The following LEKR1 variants were observed in gnomAD, a reference collection of about 807,000 sequenced individuals.
LEKR1 encodes protein LEKR1.
Under a neutral mutation model 72.4 loss-of-function variants are expected in LEKR1, and 59 were observed. The observed-to-expected ratio is 0.82, with a 90% confidence interval of 0.66 to 1.01. The LOEUF is 1.01. Among genes scored for constraint, LEKR1 ranks in the 50% least tolerant of loss-of-function variants. The pLI is 0.00. For synonymous variants in LEKR1, 257 were observed against 263.2 expected (o/e 0.98, Z 0.23); for missense variants, 728 against 759.2 (o/e 0.96, Z 0.48).
At chr3:156,896,897 G>A (rs1055517590) in intron 3 of LEKR1, among the ~76,000 whole-genome samples, 1 of 152,174 alleles carries the variant, frequency 6.6e-6, no homozygotes, top group African/African-American at 2.4e-5. Flanking sequence ...GTCCTTTGCA[G>A]CAACATGGAT....
At chr3:156,854,942 TGAC>T (rs952583773) in intron 3 of LEKR1, among the ~76,000 whole-genome samples, 68 of 152,322 alleles carry the variant, frequency 4.5e-4, no homozygotes, top group African/African-American at 1.6e-3. Context: ...GTTGTGCTGC[TGAC>T]ATTTGCCACT....
chr3:156,923,101 T>C (rs1272406924), intron 4 of LEKR1, among the ~76,000 whole-genome samples: 2 of 152,272 alleles, frequency 1.3e-5, no homozygotes, highest in African/African-American at 4.8e-5. Flanking sequence ...CTTTGTTTTC[T>C]ATCCTTGATC....
At chr3:156,904,291 T>C (rs1722313451) in intron 3 of LEKR1, among the ~76,000 whole-genome samples, 1 of 152,158 alleles carries the variant, frequency 6.6e-6, no homozygotes, top group African/African-American at 2.4e-5. Flanking sequence ...AAGAACACTT[T>C]AATATAATGG....
chr3:156,899,525 TATATACAC>T (rs1297980318), intron 3 of LEKR1, among the ~76,000 whole-genome samples: 1 of 135,326 alleles, frequency 7.4e-6, no homozygotes, highest in East Asian at 2.1e-4. Flanking sequence ...CATACATACA[TATATACAC>T]ATATATACAT....
At chr3:156,986,165 G>T (rs957410626) in intron 7 of LEKR1, among the ~76,000 whole-genome samples, 10 of 152,180 alleles carry the variant, frequency 6.6e-5, no homozygotes, top group African/African-American at 2.4e-4. Flanking sequence ...TAATAAATTT[G>T]TATTGCTTTA....
intron 8 of LEKR1, among the ~76,000 whole-genome samples, 153 bp from the exon 9 acceptor site, chr3:156,992,921 A>G (rs1304163602): frequency 6.6e-6 from 1 of 152,162 alleles, no homozygotes; most frequent in Non-Finnish European, 1.5e-5. Flanking sequence ...GGAAAATATT[A>G]ACATTATAGA....
intron 2 of LEKR1, among the ~76,000 whole-genome samples, chr3:156,834,612 A>AT (rs1712868399): frequency 6.6e-6 from 1 of 152,208 alleles, no homozygotes; most frequent in Admixed American, 6.5e-5. Context: ...CATGTATCAG[A>AT]TTGCAGAGCC....
chr3:156,848,454 T>C (rs186294345), intron 2 of LEKR1, among the ~76,000 whole-genome samples: 1 of 152,310 alleles, frequency 6.6e-6, no homozygotes, highest in East Asian at 1.9e-4. Flanking sequence ...TTATGTTCAC[T>C]GAGAGCAAGC....
At chr3:156,829,413 G>T in intron 2 of LEKR1, 36 bp downstream of exon 2, 1 of 1,432,224 alleles carries the variant, frequency 7.0e-7, no homozygotes, top group South Asian at 1.3e-5. Context: ...CTAACAGTGG[G>T]AACATGTAGC....
At chr3:156,919,611 G>A (rs1724001185) in intron 3 of LEKR1, among the ~76,000 whole-genome samples, 1 of 152,172 alleles carries the variant, frequency 6.6e-6, no homozygotes, top group South Asian at 2.1e-4. Flanking sequence ...GATAAAAAAT[G>A]TGTTTTCTTG....
chr3:157,011,533 A>G, intron 10 of LEKR1, 27 bp downstream of exon 10: 1 of 1,473,576 alleles, frequency 6.8e-7, no homozygotes, highest in South Asian at 1.1e-5. Flanking sequence ...TTTCATCAGC[A>G]TGCAACCTAT....
In LEKR1 at chr3:157,035,563, A is replaced by T. The variant is rs547206870; in HGVS notation, c.1668+7161A>T. Among the ~76,000 whole-genome samples, 196 of 152,304 alleles carry T rather than the reference A, an allele frequency of 1.3e-3. 2 individuals are homozygous for T. The highest frequency in any genetic ancestry group is 4.6e-3 in the African/African-American group (191 of 41,556). On this transcript the variant is annotated intron_variant, in intron 12 of 12. Coordinates refer to ENST00000356539, the MANE Select transcript of LEKR1 (RefSeq NM_001004316.3). ...GCTTATGTATTAATAGCCATAAAAAAAGAAATTGGAAGAGCCCCTTCTGGA... is the reference window on the plus strand; with the variant it reads ...GCTTATGTATTAATAGCCATAAAAATAGAAATTGGAAGAGCCCCTTCTGGA...
chr3:156,980,103 A>G (rs2107999553), intron 7 of LEKR1: 1 of 152,280 alleles, frequency 6.6e-6, no homozygotes, highest in East Asian at 1.9e-4. Flanking sequence ...ATAATACTAA[A>G]ATAGTATGTA....
rs2108541852 is a variant in LEKR1, at chr3:156,860,710, G to A, written c.263+7728G>A. ...AACCTACCTACCTCCAACCTAGACT[G>A]GCTGGATCAGTTAGGAATACAATCT... is the stretch of plus-strand genomic sequence containing the variant. On this transcript the variant is annotated intron_variant, in intron 3 of 12. Transcript: ENST00000356539. 1.3e-5 allele frequency among the ~76,000 whole-genome samples: 2 copies of A among 152,292 alleles called. 1 individual carries two copies. The highest frequency in any genetic ancestry group is 4.1e-4 in the South Asian group (2 of 4,826).
intron 7 of LEKR1, among the ~76,000 whole-genome samples, chr3:156,980,377 A>G (rs566843733): frequency 6.6e-6 from 1 of 152,326 alleles, no homozygotes; most frequent in African/African-American, 2.4e-5. Context: ...TCTGAAAAGG[A>G]AAATAAAATA....
chr3:156,840,355 T>C (rs1713747763), intron 2 of LEKR1, among the ~76,000 whole-genome samples: 1 of 152,224 alleles, frequency 6.6e-6, no homozygotes, highest in African/African-American at 2.4e-5. Context: ...TTTTATGCTG[T>C]TCTCTTCCCT....
chr3:157,016,107 C>T (rs1212371956), intron 10 of LEKR1, among the ~76,000 whole-genome samples: 1 of 151,660 alleles, frequency 6.6e-6, no homozygotes, highest in Non-Finnish European at 1.5e-5. Context: ...TTCAAGAGGC[C>T]CAATATATGT....
chr3:156,924,524 T>C, intron 4 of LEKR1: 1 of 683,158 alleles, frequency 1.5e-6, no homozygotes, highest in Non-Finnish European at 2.7e-6. Flanking sequence ...CTGTAAGAAC[T>C]CTGTCTAAGC....
intron 3 of LEKR1, among the ~76,000 whole-genome samples, chr3:156,898,762 A>T (rs1721466813): frequency 6.6e-6 from 1 of 152,200 alleles, no homozygotes. Flanking sequence ...CTTTGACCAC[A>T]CTAAAATATG....
Sources: allele counts gnomAD v4.1 joint callset (sites outside exome capture counted in the v4.1 genomes callset), GRCh38; gene constraint gnomAD v4.1.1; transcripts MANE v1.5; gene names NCBI Gene and HGNC (gene_info 2026-07-23, HGNC 2026-07-21).